Variants in FOXP2 observed in about 807,000 individuals in gnomAD.
FOXP2 encodes forkhead box protein P2.
Under a neutral mutation model 115.8 loss-of-function variants are expected in FOXP2, and 12 were observed. That is an observed-to-expected ratio of 0.10 (90% CI 0.07 to 0.17). FOXP2 has a LOEUF of 0.17. Ranked by LOEUF, FOXP2 falls within the 10% of genes least tolerant of loss-of-function variation. FOXP2 has a pLI of 1.00. For synonymous variants in FOXP2, 328 were observed against 297.7 expected (o/e 1.10, Z -1.05); for missense variants, 629 against 843.5 (o/e 0.75, Z 3.15).
intron 2 of FOXP2, chr7:114,297,201 C>T: frequency 2.1e-6 from 1 of 485,530 alleles, no homozygotes; most frequent in South Asian, 1.9e-5. Context: ...TGTCCCCACC[C>T]TTTTCTCGAT....
At chr7:114,308,712 C>G (rs1357518729) in intron 2 of FOXP2, among the ~76,000 whole-genome samples, 1 of 152,120 alleles carries the variant, frequency 6.6e-6, no homozygotes, top group Non-Finnish European at 1.5e-5. Context: ...GGCTTGCAGT[C>G]TATTGTAGGG....
chr7:114,307,841 C>G (rs1271863109), intron 2 of FOXP2, among the ~76,000 whole-genome samples: 1 of 152,128 alleles, frequency 6.6e-6, no homozygotes, highest in African/African-American at 2.4e-5. Context: ...TAGTTTAGGT[C>G]TCATGATGTT....
intron 2 of FOXP2, among the ~76,000 whole-genome samples, chr7:114,361,563 GC>G (rs34619980): frequency 0.064 from 9,774 of 151,960 alleles, 371 homozygotes; most frequent in Middle Eastern, 0.15. Flanking sequence ...TTTCAATGGG[GC>G]AAAAAGTTTT....
At chr7:114,634,535 C>T (rs955933141) in intron 6 of FOXP2, among the ~76,000 whole-genome samples, 2 of 151,696 alleles carry the variant, frequency 1.3e-5, no homozygotes, top group Non-Finnish European at 2.9e-5. Flanking sequence ...ATTAATATTA[C>T]TATAATATTG....
chr7:114,292,751 C>A (rs376324555), intron 2 of FOXP2, among the ~76,000 whole-genome samples: 1 of 152,156 alleles, frequency 6.6e-6, no homozygotes, highest in Non-Finnish European at 1.5e-5. Flanking sequence ...TAATCTCATT[C>A]CCCTGCTATC....
At chr7:114,262,441 G>T (rs774398830) in intron 1 of FOXP2, among the ~76,000 whole-genome samples, 2 of 152,036 alleles carry the variant, frequency 1.3e-5, no homozygotes, top group African/African-American at 2.4e-5. Context: ...TAGTACTTGG[G>T]TGATGGGATC....
intron 1 of FOXP2, among the ~76,000 whole-genome samples, chr7:114,225,488 A>G (rs553289794): frequency 1.3e-4 from 20 of 152,108 alleles, no homozygotes; most frequent in African/African-American, 4.8e-4. Flanking sequence ...TCCATTGCCC[A>G]GGGTGGAGTG....
At chr7:114,596,833 A>G (rs1001814083) in intron 3 of FOXP2, among the ~76,000 whole-genome samples, 3 of 152,064 alleles carry the variant, frequency 2.0e-5, no homozygotes, top group Admixed American at 6.6e-5. Context: ...TTGTGATAAC[A>G]AAGCTTGATA....
At chr7:114,596,103 T>G (rs1802685764) in intron 3 of FOXP2, among the ~76,000 whole-genome samples, 1 of 146,570 alleles carries the variant, frequency 6.8e-6, no homozygotes, top group African/African-American at 2.7e-5. Flanking sequence ...CAAAACACAG[T>G]GATTAAAAAT....
At chr7:114,385,144 CGAGAGCTGTATACCTAAATCGG>C (rs1263053733) in intron 2 of FOXP2, among the ~76,000 whole-genome samples, 1 of 151,852 alleles carries the variant, frequency 6.6e-6, no homozygotes, top group Non-Finnish European at 1.5e-5. Context: ...CTGCCCATGT[CGAGAGCTGTATACCTAAATCGG>C]GAGGGATACC....
At chr7:114,633,536 A>G (rs1805035870) in intron 6 of FOXP2, among the ~76,000 whole-genome samples, 1 of 152,206 alleles carries the variant, frequency 6.6e-6, no homozygotes, top group Non-Finnish European at 1.5e-5. Context: ...TCATTAATAT[A>G]GGTTAAAAAA....
At chr7:114,329,962 A>G (rs1392218996) in intron 2 of FOXP2, among the ~76,000 whole-genome samples, 2 of 152,192 alleles carry the variant, frequency 1.3e-5, no homozygotes, top group Admixed American at 6.5e-5. Context: ...GGTGTAAGCC[A>G]CTGCCACAGC....
At position 114,535,720 on chromosome 7, in the gene FOXP2, G is replaced by T. The variant is rs1255683257; in HGVS notation, c.258+1014G>T. Among the ~76,000 whole-genome samples the T allele has an allele frequency of 3.3e-5, 5 of 151,542 alleles. No individual in the cohort carries two copies. In the East Asian group the frequency reaches 9.7e-4, roughly 29 times the overall value. ...ACCTAAAAACTGGATAAAATGTATG[G>T]TCCCTAAACAAATTTGAGATAAGAA... On this transcript the variant is annotated intron_variant, in intron 3 of 16. Transcript: ENST00000350908.
At chr7:114,573,620 A>G (rs1325589273) in intron 3 of FOXP2, among the ~76,000 whole-genome samples, 1 of 151,166 alleles carries the variant, frequency 6.6e-6, no homozygotes. Context: ...TTAATGTCAC[A>G]CATATTATTT....
intron 1 of FOXP2, among the ~76,000 whole-genome samples, chr7:114,272,219 C>T (rs1796081348): frequency 6.6e-6 from 1 of 150,806 alleles, no homozygotes; most frequent in Admixed American, 6.7e-5. Context: ...ACCAACCTTA[C>T]ATTCCTGAGA....
At chr7:114,645,370 G>T (rs1189413381) in intron 8 of FOXP2, 2 of 151,100 alleles carry the variant, frequency 1.3e-5, no homozygotes, top group African/African-American at 4.9e-5. Flanking sequence ...AACACACATG[G>T]CTATATGTTT....
chr7:114,372,348 C>T (rs573781373), intron 2 of FOXP2, among the ~76,000 whole-genome samples: 1 of 151,808 alleles, frequency 6.6e-6, no homozygotes, highest in Non-Finnish European at 1.5e-5. Flanking sequence ...GATAGGGTAA[C>T]TATATAAATT....
chr7:114,202,898 T>C (rs1462410175), intron 1 of FOXP2, among the ~76,000 whole-genome samples: 1 of 152,208 alleles, frequency 6.6e-6, no homozygotes, highest in African/African-American at 2.4e-5. Context: ...CCAATCCTTT[T>C]ACTGCTTTCT....
chr7:114,528,508 A>C (rs1287213090), intron 2 of FOXP2, among the ~76,000 whole-genome samples: 1 of 152,034 alleles, frequency 6.6e-6, no homozygotes, highest in Non-Finnish European at 1.5e-5. Context: ...ATATAGTCAC[A>C]AACATTTTTA....
Sources: allele counts gnomAD v4.1 joint callset (sites outside exome capture counted in the v4.1 genomes callset), GRCh38; gene constraint gnomAD v4.1.1; transcripts MANE v1.5; gene names NCBI Gene and HGNC (gene_info 2026-07-23, HGNC 2026-07-21).